Variants in VPS41 observed in about 807,000 individuals in gnomAD.
VPS41 encodes VPS41 subunit of HOPS complex.
VPS41 carries 85 observed loss-of-function variants against 130.9 expected under a neutral mutation model. The observed-to-expected ratio is 0.65, with a 90% CI of 0.55 to 0.78. The LOEUF (loss-of-function observed/expected upper bound fraction) is 0.78, where lower values mean the gene tolerates loss of function less well. Among genes scored for constraint, VPS41 ranks in the 30% least tolerant of loss-of-function variants. The probability of loss-of-function intolerance (pLI) is 0.00; values close to 1 mark genes in which losing one functional copy is unlikely to be tolerated. For synonymous variants in VPS41, 335 were observed against 332.9 expected, an observed-to-expected ratio of 1.01 and a Z score of -0.07; for missense variants, 874 against 1,018.7, an observed-to-expected ratio of 0.86 and a Z score of 1.93.
At chr7:38,892,248 C>T (rs955548440) in intron 2 of VPS41, among the ~76,000 whole-genome samples, 7 of 152,028 alleles carry the variant, frequency 4.6e-5, no homozygotes, top group African/African-American at 1.7e-4. Context: ...AAGTTAAAGG[C>T]AGTATAACTA....
intron 5 of VPS41, among the ~76,000 whole-genome samples, chr7:38,827,699 G>T (rs1438253226): frequency 6.6e-6 from 1 of 152,182 alleles, no homozygotes; most frequent in African/African-American, 2.4e-5. Flanking sequence ...GGAATACAGA[G>T]CTATGCTCCT....
At chr7:38,758,171 G>C (rs1246827469) in intron 18 of VPS41, among the ~76,000 whole-genome samples, 183 bp downstream of exon 18, 1 of 152,124 alleles carries the variant, frequency 6.6e-6, no homozygotes. Flanking sequence ...CATTGCAATT[G>C]TACAGTTTCA....
intron 23 of VPS41, among the ~76,000 whole-genome samples, chr7:38,744,619 T>C (rs1200846196): frequency 6.6e-6 from 1 of 152,212 alleles, no homozygotes; most frequent in Non-Finnish European, 1.5e-5. Context: ...CCAAAATATT[T>C]CTTGGGGAGA....
rs575908895 is a variant in VPS41 at position 38,818,043 on chromosome 7, G to A, written c.385-161C>T. On this transcript the variant is annotated intron_variant, in intron 6 of 28. Coordinates refer to ENST00000310301, the MANE Select transcript of VPS41 (RefSeq NM_014396.4). Reference sequence around the variant, plus strand: ...TATTTTACAACAACTGATGACATCTGAGTTTTCTTCTTACGTGAAAAGATT... The same window carrying A: ...TATTTTACAACAACTGATGACATCTAAGTTTTCTTCTTACGTGAAAAGATT... Among the ~76,000 whole-genome samples the A allele has an allele frequency of 1.1e-4, 17 of 152,284 alleles. No individual in the cohort carries two copies. The East Asian group carries it at 2.7e-3, about 24-fold the overall frequency.
At chr7:38,832,315 C>CTT (rs1785403007) in intron 4 of VPS41, among the ~76,000 whole-genome samples, 1 of 126,388 alleles carries the variant, frequency 7.9e-6, no homozygotes, top group Non-Finnish European at 1.7e-5. Context: ...CATTTTCTTT[C>CTT]TTTCTTTTTT....
intron 6 of VPS41, 56 bp from the exon 7 acceptor site, chr7:38,817,938 T>C (rs372661969): frequency 2.6e-5 from 34 of 1,326,168 alleles, no homozygotes; most frequent in Non-Finnish European, 3.5e-5. Context: ...ATGCACAGAA[T>C]GAAAACCCCT....
At chr7:38,901,514 G>A (rs1469079280) in intron 1 of VPS41, among the ~76,000 whole-genome samples, 1 of 152,156 alleles carries the variant, frequency 6.6e-6, no homozygotes, top group Non-Finnish European at 1.5e-5. Context: ...AGGGCAATGG[G>A]GAGGTGCCAG....
chr7:38,825,712 G>A (rs1441773178), intron 5 of VPS41, among the ~76,000 whole-genome samples: 1 of 152,124 alleles, frequency 6.6e-6, no homozygotes, highest in Admixed American at 6.5e-5. Context: ...GCAAAGTCCT[G>A]GGAGAATTCT....
chr7:38,877,983 G>A (rs1786525537), intron 2 of VPS41, among the ~76,000 whole-genome samples: 4 of 152,072 alleles, frequency 2.6e-5, no homozygotes, highest in African/African-American at 9.7e-5. Context: ...TGCAGCCTCT[G>A]CCCACTGTAT....
At chr7:38,822,713 T>C (rs911992705) in intron 5 of VPS41, among the ~76,000 whole-genome samples, 10 of 152,238 alleles carry the variant, frequency 6.6e-5, no homozygotes, top group African/African-American at 1.9e-4. Flanking sequence ...TGCTGAGTCA[T>C]AGGTTATGTG....
Position 38,830,293 on chromosome 7 carries a change from T to G in VPS41, c.282A>C (p.Glu94Asp). 6.2e-7 allele frequency: 1 copy of G among 1,613,328 alleles called. No individual in the cohort carries two copies. Among genetic ancestry groups the G allele is most frequent in the Non-Finnish European group, 8.5e-7 (1 of 1,179,246 alleles). The change falls in exon 5 of 29, where the codon GAA becomes GAC. Residue 94 changes from glutamate to aspartate, a missense_variant. By Grantham distance (45) the Glu-to-Asp change is conservative. Transcript: ENST00000310301. ...AACACACACCCATGTGCTCTCCACT[T>G]TCATCCAAGCTAATCTGATTTATCT... ...PVKINQISLDESGEHMGVCSE... is the reference protein window; with the variant it reads ...PVKINQISLDDSGEHMGVCSE...
At chr7:38,832,104 T>C (rs530836339) in intron 4 of VPS41, among the ~76,000 whole-genome samples, 1 of 152,236 alleles carries the variant, frequency 6.6e-6, no homozygotes, top group East Asian at 1.9e-4. Context: ...ATTAATTTGA[T>C]CTTCTGTAAA....
At chr7:38,773,424 A>C (rs962441276) in intron 12 of VPS41, among the ~76,000 whole-genome samples, 2 of 152,228 alleles carry the variant, frequency 1.3e-5, no homozygotes, top group African/African-American at 4.8e-5. Flanking sequence ...CATATATAGA[A>C]TATTTCTTCA....
At chr7:38,828,589 C>T (rs374546316) in intron 5 of VPS41, among the ~76,000 whole-genome samples, 51 of 152,132 alleles carry the variant, frequency 3.4e-4, no homozygotes, top group African/African-American at 1.2e-3. Flanking sequence ...TCATTCTATA[C>T]TAGCTTCTCA....
chr7:38,724,957 TCAA>T lies in VPS41; in HGVS notation c.*1286_*1288del, dbSNP rs138518486. The T allele has an allele frequency of 8.7e-4, 133 of 152,332 alleles. No homozygotes were observed. Among genetic ancestry groups the T allele is most frequent in the African/African-American group, 3.2e-3 (131 of 41,570 alleles). The allele number at this position is 152,332 out of a possible 1,614,324, so 9.4% of individuals were successfully genotyped here. A position where few individuals can be genotyped will look rare whatever the true frequency, so the allele number is the denominator to read the frequency against. On this transcript the variant is annotated 3_prime_UTR_variant, in exon 29 of 29. Transcript: ENST00000310301. ...AAGTTAGGCAGTCACCTCTGTGACC[TCAA>T]CAACATCTCTACATTTTGCTTTCTT...
Position 38,789,883 on chromosome 7 carries a change from G to C in VPS41, c.718-16C>G. 1.2e-6 allele frequency: 2 copies of C among 1,612,750 alleles called. No homozygotes were observed. Among genetic ancestry groups the C allele is most frequent in the Non-Finnish European group, 1.7e-6 (2 of 1,179,068 alleles). ...CTGAGCACACCTGGAAAATAAGTTC[G>C]CAGGTTATTTTATTCATTTGATGGA... On this transcript the variant is annotated splice_polypyrimidine_tract_variant and intron_variant, in intron 9 of 28. Coordinates refer to ENST00000310301, the MANE Select transcript of VPS41 (RefSeq NM_014396.4).
chr7:38,847,333 C>T (rs1785748019), intron 4 of VPS41, among the ~76,000 whole-genome samples: 1 of 152,090 alleles, frequency 6.6e-6, no homozygotes, highest in Admixed American at 6.6e-5. Context: ...TTGGCCATAC[C>T]CTTAAGATTC....
intron 6 of VPS41, among the ~76,000 whole-genome samples, chr7:38,820,975 T>C (rs1296711596): frequency 1.3e-5 from 2 of 151,900 alleles, no homozygotes; most frequent in Non-Finnish European, 2.9e-5. Context: ...GTGTGAGTGA[T>C]CTCACTCACT....
intron 2 of VPS41, among the ~76,000 whole-genome samples, chr7:38,885,473 C>T (rs1387431946): frequency 6.6e-6 from 1 of 152,166 alleles, no homozygotes; most frequent in Non-Finnish European, 1.5e-5. Flanking sequence ...TTATTAATCG[C>T]TCAATTTCCT....
Sources: allele counts gnomAD v4.1 joint callset (sites outside exome capture counted in the v4.1 genomes callset), GRCh38; gene constraint gnomAD v4.1.1; transcripts MANE v1.5; gene names NCBI Gene and HGNC (gene_info 2026-07-23, HGNC 2026-07-21).